Variants in SEMA4D observed in about 807,000 individuals in gnomAD.
The protein encoded by SEMA4D is semaphorin-4D.
A neutral mutation model predicts 74.8 loss-of-function variants in SEMA4D; 22 were observed. The observed-to-expected ratio is 0.29, with a 90% CI of 0.21 to 0.42. SEMA4D has a LOEUF of 0.42. SEMA4D is among the 10% of genes least tolerant of loss of function. The pLI is 1.00. For synonymous variants in SEMA4D, 445 were observed against 463.7 expected (o/e 0.96, Z 0.52); for missense variants, 937 against 1,118.4 (o/e 0.84, Z 2.31).
At position 89,396,848 on chromosome 9, in the gene SEMA4D, G is replaced by A. The variant is rs13283585; in HGVS notation, c.316-13C>T. On this transcript the variant is annotated splice_polypyrimidine_tract_variant and intron_variant, in intron 5 of 15. Coordinates refer to ENST00000422704, the MANE Select transcript of SEMA4D (RefSeq NM_001371194.2). Reference sequence around the variant, plus strand: ...TGAGGCACTCTGTCTGCAGGGAAGAGAAATGCACCATTAGCAACCGTCCAG... The same window carrying A: ...TGAGGCACTCTGTCTGCAGGGAAGAAAAATGCACCATTAGCAACCGTCCAG... The A allele has an allele frequency of 0.2, 328,823 of 1,608,392 alleles. 36,600 individuals carry two copies. The highest frequency in any genetic ancestry group is 0.22 in the Non-Finnish European group (264,049 of 1,176,490).
chr9:89,450,387 C>A (rs1174440424), intron 2 of SEMA4D: 4 of 1,112,730 alleles, frequency 3.6e-6, no homozygotes, highest in Non-Finnish European at 5.5e-6. Context: ...TGATGCCATG[C>A]CATTTACTTC....
chr9:89,390,651 G>C (rs1380776102), intron 9 of SEMA4D, among the ~76,000 whole-genome samples: 1 of 152,222 alleles, frequency 6.6e-6, no homozygotes, highest in Non-Finnish European at 1.5e-5. Flanking sequence ...CCTGCTCCGA[G>C]ATGAGCTCCT....
At chr9:89,440,273 C>T (rs999887304) in intron 2 of SEMA4D, among the ~76,000 whole-genome samples, 4 of 152,186 alleles carry the variant, frequency 2.6e-5, no homozygotes, top group Non-Finnish European at 5.9e-5. Flanking sequence ...AACGCCTTCC[C>T]TCCCATTCCT....
At chr9:89,446,351 C>T (rs1175608957) in intron 2 of SEMA4D, among the ~76,000 whole-genome samples, 1 of 152,202 alleles carries the variant, frequency 6.6e-6, no homozygotes, top group Admixed American at 6.5e-5. Context: ...TATAAAGTCA[C>T]CCTCTCAGGC....
At chr9:89,389,880 C>T (rs1839421714) in intron 9 of SEMA4D, among the ~76,000 whole-genome samples, 1 of 152,136 alleles carries the variant, frequency 6.6e-6, no homozygotes, top group Non-Finnish European at 1.5e-5. Flanking sequence ...CGTCAGGGGT[C>T]TCATGTGGCT....
intron 2 of SEMA4D, among the ~76,000 whole-genome samples, chr9:89,422,354 T>G (rs1228069717): frequency 6.6e-6 from 1 of 152,240 alleles, no homozygotes; most frequent in Non-Finnish European, 1.5e-5. Flanking sequence ...CCCCAGCCCC[T>G]GCTTTCTGGC....
At chr9:89,361,649 C>T (rs1319028388) in exon 19 of SEMA4D, 1 of 152,178 alleles carries the variant, frequency 6.6e-6, no homozygotes, top group African/African-American at 2.4e-5. Context: ...CATAATTGAC[C>T]TATTTGGCTT....
intron 1 of SEMA4D, among the ~76,000 whole-genome samples, chr9:89,475,202 T>C (rs928931848): frequency 4.5e-4 from 69 of 152,252 alleles, no homozygotes; most frequent in Non-Finnish European, 8.5e-4. Flanking sequence ...TGAGAACCAG[T>C]GTCACAGAGG....
chr9:89,438,813 A>G (rs1347661225), intron 2 of SEMA4D, among the ~76,000 whole-genome samples: 1 of 146,520 alleles, frequency 6.8e-6, no homozygotes. Context: ...CTACAGGCGC[A>G]TACCATCACG....
At chr9:89,420,906 G>A (rs7020875) in intron 2 of SEMA4D, among the ~76,000 whole-genome samples, 1,966 of 152,320 alleles carry the variant, frequency 0.013, 40 homozygotes, top group African/African-American at 0.045. Context: ...GCTTTCCTAG[G>A]TGCCCGATGC....
intron 16 of SEMA4D, among the ~76,000 whole-genome samples, chr9:89,370,422 GGT>G (rs1382585722): frequency 6.6e-6 from 1 of 150,488 alleles, no homozygotes; most frequent in Non-Finnish European, 1.5e-5. Flanking sequence ...GTGTGTTTGT[GGT>G]GTGTGGCTGG....
chr9:89,472,350 AGAT>A (rs953998074), intron 1 of SEMA4D: 1 of 419,834 alleles, frequency 2.4e-6, no homozygotes, highest in Admixed American at 2.5e-5. Context: ...GGGATTGAGA[AGAT>A]GATGGAGACA....
chr9:89,469,746 G>A (rs1246223959), intron 1 of SEMA4D, among the ~76,000 whole-genome samples: 3 of 152,176 alleles, frequency 2.0e-5, no homozygotes, highest in African/African-American at 7.2e-5. Flanking sequence ...ACTAAACCTA[G>A]AAGGGAACTC....
intron 1 of SEMA4D, among the ~76,000 whole-genome samples, chr9:89,478,296 A>G (rs759963329): frequency 6.6e-6 from 1 of 152,134 alleles, no homozygotes; most frequent in Non-Finnish European, 1.5e-5. Context: ...GCCCTTATAG[A>G]TACACTCAGA....
intron 18 of SEMA4D, among the ~76,000 whole-genome samples, chr9:89,362,899 C>G (rs928782580): frequency 1.3e-5 from 2 of 152,202 alleles, no homozygotes; most frequent in Non-Finnish European, 2.9e-5. Flanking sequence ...AACTTTGTCT[C>G]CGTGGGGAGA....
At chr9:89,444,002 G>A (rs542391070) in intron 2 of SEMA4D, among the ~76,000 whole-genome samples, 4 of 152,320 alleles carry the variant, frequency 2.6e-5, no homozygotes, top group African/African-American at 7.2e-5. Context: ...CTCCCACCAC[G>A]GGCAGAGTCA....
chr9:89,491,065 T>C (rs1453957998), intron 1 of SEMA4D, among the ~76,000 whole-genome samples: 1 of 143,790 alleles, frequency 7.0e-6, no homozygotes, highest in Non-Finnish European at 1.5e-5. Flanking sequence ...TTAGCTGTGT[T>C]TGAAGTGAAT....
chr9:89,391,259 C>T lies in SEMA4D; in HGVS notation c.774+5G>A. 1 of 1,613,426 alleles carries T rather than the reference C, an allele frequency of 6.2e-7. No individual in the cohort carries two copies. The highest frequency in any genetic ancestry group is 8.5e-7 in the Non-Finnish European group (1 of 1,179,362). On this transcript the variant is annotated splice_donor_5th_base_variant and intron_variant, in intron 9 of 15. Coordinates refer to ENST00000422704, the MANE Select transcript of SEMA4D (RefSeq NM_001371194.2). The stretch of plus-strand genomic sequence containing the variant: ...CCAAGCGAAGCCAGAGTGCCTGGCA[C>T]TCACCTTGCACACTCTTGCTATCCG...
At chr9:89,422,470 C>T (rs1447962575) in intron 2 of SEMA4D, among the ~76,000 whole-genome samples, 3 of 152,196 alleles carry the variant, frequency 2.0e-5, no homozygotes, top group Non-Finnish European at 4.4e-5. Context: ...CAAGAGGAGA[C>T]CTGAAGTCCA....
Sources: gnomAD v4.1 joint callset for allele counts (sites outside exome capture counted in the v4.1 genomes callset) on GRCh38, gnomAD v4.1.1 for gene constraint, MANE v1.5 for transcripts, NCBI Gene and HGNC (gene_info 2026-07-23, HGNC 2026-07-21) for gene names.